The following LYPLAL1 variants were observed in gnomAD, a reference collection of about 807,000 sequenced individuals.
The protein encoded by LYPLAL1 is lysophospholipase-like protein 1.
In LYPLAL1, 23 loss-of-function variants were observed where a neutral mutation model predicts 19.7. That is an observed-to-expected ratio of 1.17 (90% CI 0.84 to 1.65). LYPLAL1 has a LOEUF of 1.65. Among genes scored for constraint, LYPLAL1 ranks in the 40% most tolerant of loss-of-function variants. The probability of loss-of-function intolerance (pLI) is 0.00; values close to 1 mark genes in which losing one functional copy is unlikely to be tolerated. For missense variants in LYPLAL1, 355 were observed against 279.4 expected (o/e 1.27, Z -1.93); for synonymous variants, 119 against 96.3 (o/e 1.24, Z -1.38).
the LYPLAL1 span, among the ~76,000 whole-genome samples, chr1:219,246,986 C>T: frequency 6.6e-6 from 1 of 152,208 alleles, no homozygotes; most frequent in African/African-American, 2.4e-5. Context: ...TATGATGTGA[C>T]TGTGAGCACA....
chr1:219,403,715 A>G, the LYPLAL1 span, among the ~76,000 whole-genome samples: 16 of 152,222 alleles, frequency 1.1e-4, no homozygotes, highest in Non-Finnish European at 2.1e-4. Context: ...GAAAGATTAG[A>G]AGACTGTTGC....
the LYPLAL1 span, among the ~76,000 whole-genome samples, chr1:219,362,942 G>A: frequency 2.6e-5 from 4 of 151,480 alleles, no homozygotes; most frequent in South Asian, 6.2e-4. Flanking sequence ...GGGGATAGAT[G>A]GATGAATGCA....
At chr1:219,185,721 A>T (rs1459187427) in intron 2 of LYPLAL1, among the ~76,000 whole-genome samples, 3 of 151,896 alleles carry the variant, frequency 2.0e-5, no homozygotes, top group Admixed American at 6.6e-5. Flanking sequence ...AGGCTCACTC[A>T]CATATATGGC....
At chr1:219,183,372 G>A (rs1452231481) in intron 2 of LYPLAL1, among the ~76,000 whole-genome samples, 1 of 151,910 alleles carries the variant, frequency 6.6e-6, no homozygotes, top group East Asian at 1.9e-4. Flanking sequence ...CCTTCTCTTT[G>A]TGGTTTGCAT....
chr1:219,429,897 G>A, the LYPLAL1 span, among the ~76,000 whole-genome samples: 3 of 152,134 alleles, frequency 2.0e-5, no homozygotes, highest in Non-Finnish European at 2.9e-5. Context: ...GCACTTGGAA[G>A]CACAGATCCT....
In LYPLAL1 at chr1:219,210,537, T is replaced by C. The variant is rs1436836676; in HGVS notation, c.367T>C (p.Phe123Leu). Reference protein sequence around the residue: ...IKKNRILIGGFSMGGCMAIHL... With the variant: ...IKKNRILIGGLSMGGCMAIHL... ...AAGTATGTTTTTGTTTTTAGGAGGA[T>C]TCTCTATGGGAGGATGCATGGCAAT... is the stretch of plus-strand genomic sequence containing the variant. The change falls in exon 4 of 5, where the codon TTC becomes CTC. Residue 123 changes from phenylalanine to leucine, a missense_variant. Transcript: ENST00000366928. 6.3e-7 allele frequency: 1 copy of C among 1,583,016 alleles called. No homozygotes were observed. Among genetic ancestry groups the C allele is most frequent in the Admixed American group, 1.7e-5 (1 of 57,314 alleles).
At chr1:219,336,148 C>A in the LYPLAL1 span, among the ~76,000 whole-genome samples, 1 of 151,542 alleles carries the variant, frequency 6.6e-6, no homozygotes, top group East Asian at 2.0e-4. Context: ...TTTGATGTCC[C>A]ATGATATCCC....
chr1:219,356,936 C>T, the LYPLAL1 span, among the ~76,000 whole-genome samples: 1 of 152,272 alleles, frequency 6.6e-6, no homozygotes, highest in Non-Finnish European at 1.5e-5. Context: ...TGAATGTGGA[C>T]ACATTATATT....
the LYPLAL1 span, among the ~76,000 whole-genome samples, chr1:219,400,620 G>A: frequency 0.012 from 1,862 of 151,858 alleles, 43 homozygotes; most frequent in African/African-American, 0.041. Context: ...CTAGCCTCTC[G>A]AGTAGCTGGG....
the LYPLAL1 span, among the ~76,000 whole-genome samples, chr1:219,229,327 GA>G: frequency 8.7e-6 from 1 of 114,752 alleles, no homozygotes; most frequent in African/African-American, 2.7e-5. Context: ...GAGAGAGAGA[GA>G]GAGAGAGAGA....
At chr1:219,365,297 T>G in the LYPLAL1 span, among the ~76,000 whole-genome samples, 1 of 152,300 alleles carries the variant, frequency 6.6e-6, no homozygotes, top group South Asian at 2.1e-4. Context: ...CAGCCAATGC[T>G]TAATGATATG....
chr1:219,248,758 G>A, the LYPLAL1 span, among the ~76,000 whole-genome samples: 1 of 152,094 alleles, frequency 6.6e-6, no homozygotes, highest in Non-Finnish European at 1.5e-5. Flanking sequence ...ACATTGAAGA[G>A]TATTGTGATG....
chr1:219,223,555 T>C, the LYPLAL1 span, among the ~76,000 whole-genome samples: 6 of 152,214 alleles, frequency 3.9e-5, no homozygotes, highest in Non-Finnish European at 7.3e-5. Context: ...CTTTGTGATA[T>C]TATTAGGCCT....
the LYPLAL1 span, among the ~76,000 whole-genome samples, chr1:219,377,880 T>C: frequency 6.6e-6 from 1 of 152,336 alleles, no homozygotes; most frequent in African/African-American, 2.4e-5. Flanking sequence ...AAACATTTTC[T>C]ATAAAGGGCC....
chr1:219,368,085 C>CA, the LYPLAL1 span, among the ~76,000 whole-genome samples: 25 of 150,746 alleles, frequency 1.7e-4, no homozygotes, highest in African/African-American at 4.6e-4. Flanking sequence ...TAGCAAATAA[C>CA]AAAAAAAAGT....
the LYPLAL1 span, among the ~76,000 whole-genome samples, chr1:219,313,887 T>C: frequency 6.6e-6 from 1 of 152,174 alleles, no homozygotes; most frequent in East Asian, 1.9e-4. Context: ...GTAAATTGAG[T>C]GTCACAGGGG....
chr1:219,337,190 CTT>C, the LYPLAL1 span, among the ~76,000 whole-genome samples: 37 of 152,078 alleles, frequency 2.4e-4, no homozygotes, highest in African/African-American at 8.7e-4. Flanking sequence ...GATTATCTCT[CTT>C]GTTTAAGATC....
the LYPLAL1 span, among the ~76,000 whole-genome samples, chr1:219,381,950 C>T: frequency 9.9e-5 from 15 of 152,184 alleles, no homozygotes; most frequent in African/African-American, 3.1e-4. Context: ...TAGGCAGCTC[C>T]CCACTCCTTT....
At chr1:219,266,141 T>C in the LYPLAL1 span, among the ~76,000 whole-genome samples, 1 of 152,088 alleles carries the variant, frequency 6.6e-6, no homozygotes, top group African/African-American at 2.4e-5. Flanking sequence ...TTATAAACTT[T>C]AACATTTTTT....
Sources: gnomAD v4.1 joint callset for allele counts (sites outside exome capture counted in the v4.1 genomes callset) on GRCh38, gnomAD v4.1.1 for gene constraint, MANE v1.5 for transcripts, NCBI Gene and HGNC (gene_info 2026-07-23, HGNC 2026-07-21) for gene names.